The following HERC4 variants were observed in gnomAD, a reference collection of about 807,000 sequenced individuals.
HERC4 encodes probable E3 ubiquitin-protein ligase HERC4.
A neutral mutation model predicts 124.3 loss-of-function variants in HERC4; 28 were observed. The ratio of observed to expected loss-of-function variants is 0.23; its 90% CI spans 0.17 to 0.31. The LOEUF is 0.31. HERC4 is among the 10% of genes least tolerant of loss of function. The pLI, the probability that HERC4 is intolerant of heterozygous loss-of-function variation, is 1.00. For missense variants in HERC4, 713 were observed against 1,229.3 expected, an observed-to-expected ratio of 0.58 and a Z score of 6.28; for synonymous variants, 407 against 421.5, an observed-to-expected ratio of 0.97 and a Z score of 0.42.
intron 21 of HERC4, among the ~76,000 whole-genome samples, chr10:67,936,439 T>C (rs935443840): frequency 1.3e-5 from 2 of 152,212 alleles, no homozygotes; most frequent in Non-Finnish European, 2.9e-5. Flanking sequence ...CCTACCATGA[T>C]TAATTACAAA....
chr10:68,064,867 G>A (rs1407153861), intron 3 of HERC4, among the ~76,000 whole-genome samples: 3 of 151,580 alleles, frequency 2.0e-5, no homozygotes, highest in African/African-American at 4.9e-5. Flanking sequence ...AGCTACTCAG[G>A]AGGCTGAGAC....
At chr10:67,995,506 CT>C (rs1393469606) in intron 9 of HERC4, among the ~76,000 whole-genome samples, 2 of 148,882 alleles carry the variant, frequency 1.3e-5, no homozygotes, top group African/African-American at 4.9e-5. Context: ...TAAATTTCTT[CT>C]TTTAGGAACT....
At chr10:68,040,467 A>G in intron 4 of HERC4, 2 of 780,508 alleles carry the variant, frequency 2.6e-6, no homozygotes, top group Non-Finnish European at 3.1e-6. Context: ...CATTTTTTCT[A>G]AAGAGATAAA....
intron 3 of HERC4, among the ~76,000 whole-genome samples, chr10:68,064,612 C>T (rs1589465621): frequency 6.9e-6 from 1 of 143,938 alleles, no homozygotes; most frequent in African/African-American, 2.6e-5. Context: ...GAAAAAAAGA[C>T]ATAAAAACTA....
intron 23 of HERC4, among the ~76,000 whole-genome samples, chr10:67,929,819 A>ATTTTTTTTTTT (rs561065364): frequency 1.4e-4 from 20 of 143,316 alleles, no homozygotes; most frequent in African/African-American, 2.9e-4. Context: ...CCAGCTGTGC[A>ATTTTTTTTTTT]TTTTTTTTTT....
At chr10:67,935,368 T>C (rs957394468) in intron 22 of HERC4, among the ~76,000 whole-genome samples, 3 of 152,058 alleles carry the variant, frequency 2.0e-5, no homozygotes, top group Non-Finnish European at 2.9e-5. Context: ...GATGGTCTCG[T>C]TGTCGTGACC....
intron 15 of HERC4, among the ~76,000 whole-genome samples, chr10:67,974,830 G>C (rs1294429090): frequency 6.6e-6 from 1 of 152,140 alleles, no homozygotes; most frequent in Non-Finnish European, 1.5e-5. Context: ...GGGACTGTCA[G>C]GCTTCAGTAT....
chr10:67,966,388 T>C (rs1300995558), intron 16 of HERC4: 3 of 264,838 alleles, frequency 1.1e-5, no homozygotes, highest in South Asian at 4.7e-5. Flanking sequence ...GGCAACCTCA[T>C]GGAAAATAAA....
chr10:68,060,566 C>A (rs2040954493), intron 3 of HERC4, among the ~76,000 whole-genome samples: 1 of 152,256 alleles, frequency 6.6e-6, no homozygotes, highest in Admixed American at 6.5e-5. Context: ...AATATTTCAA[C>A]ACTAAATTTC....
At chr10:68,015,668 C>T (rs2038219838) in intron 8 of HERC4, among the ~76,000 whole-genome samples, 2 of 152,124 alleles carry the variant, frequency 1.3e-5, no homozygotes, top group African/African-American at 2.4e-5. Context: ...CAGGAAGCAG[C>T]CATCTCAAAG....
chr10:68,071,885 G>C (rs2041593114), intron 3 of HERC4, among the ~76,000 whole-genome samples: 1 of 152,184 alleles, frequency 6.6e-6, no homozygotes, highest in African/African-American at 2.4e-5. Flanking sequence ...GTATTTGCAA[G>C]TTAGAAAAGT....
At chr10:68,067,069 T>C (rs145440017) in intron 3 of HERC4, 113 of 152,758 alleles carry the variant, frequency 7.4e-4, no homozygotes, top group African/African-American at 2.7e-3. Flanking sequence ...ATCTGCTATT[T>C]TGACAAGTTA....
intron 3 of HERC4, chr10:68,067,231 A>C (rs1217376730): frequency 3.3e-5 from 5 of 152,648 alleles, no homozygotes; most frequent in Admixed American, 6.5e-5. Context: ...CACAAAGTAA[A>C]GTATTATTAT....
At position 68,056,273 on chromosome 10, in the gene HERC4, G is replaced by A. The variant is rs542171630; in HGVS notation, c.227-11710C>T. Reference sequence around the variant, plus strand: ...ATTTTTCGCTCTAATGTAGCTGATGGTGATCAAGTTCATTAAAACAAGAGT... The same window carrying A: ...ATTTTTCGCTCTAATGTAGCTGATGATGATCAAGTTCATTAAAACAAGAGT... On this transcript the variant is annotated intron_variant, in intron 3 of 24. Coordinates refer to ENST00000373700, the MANE Select transcript of HERC4 (RefSeq NM_015601.4). 3.3e-5 allele frequency among the ~76,000 whole-genome samples: 5 copies of A among 152,238 alleles called. No homozygotes were observed. The South Asian group carries it at 8.3e-4, about 25-fold the overall frequency.
At chr10:67,969,113 C>G (rs977155949) in intron 15 of HERC4, among the ~76,000 whole-genome samples, 31 of 152,130 alleles carry the variant, frequency 2.0e-4, no homozygotes, top group African/African-American at 7.0e-4. Context: ...TTTGGAAAAT[C>G]CTAGAATACT....
chr10:67,946,801 G>A (rs533354544), intron 19 of HERC4, among the ~76,000 whole-genome samples: 10 of 152,238 alleles, frequency 6.6e-5, no homozygotes, highest in African/African-American at 2.4e-4. Flanking sequence ...CAGCTACTCG[G>A]GAGGCTGAGG....
chr10:67,934,542 T>C (rs2032155957), intron 22 of HERC4, among the ~76,000 whole-genome samples: 1 of 152,140 alleles, frequency 6.6e-6, no homozygotes, highest in African/African-American at 2.4e-5. Flanking sequence ...TCTTTCTTGG[T>C]TTAATTCCTT....
chr10:68,039,468 C>A, intron 4 of HERC4: 1 of 1,550,876 alleles, frequency 6.4e-7, no homozygotes, highest in Admixed American at 2.0e-5. Flanking sequence ...AGAGTCGACA[C>A]ACATGATTTT....
chr10:67,996,320 C>T (rs1220670171), intron 9 of HERC4, among the ~76,000 whole-genome samples: 1 of 152,032 alleles, frequency 6.6e-6, no homozygotes, highest in Non-Finnish European at 1.5e-5. Context: ...TAGACACCCC[C>T]CCTGCCCCAC....
Sources: gnomAD v4.1 joint callset for allele counts (sites outside exome capture counted in the v4.1 genomes callset) on GRCh38, gnomAD v4.1.1 for gene constraint, MANE v1.5 for transcripts, NCBI Gene and HGNC (gene_info 2026-07-23, HGNC 2026-07-21) for gene names.